ZNF536: variants seen among roughly 807,000 people sequenced by gnomAD.
ZNF536 encodes zinc finger protein 536.
Under a neutral mutation model 84.5 loss-of-function variants are expected in ZNF536, and 13 were observed. The ratio of observed to expected loss-of-function variants is 0.15; its 90% CI spans 0.10 to 0.24. The LOEUF (loss-of-function observed/expected upper bound fraction) is 0.24. ZNF536 is among the 10% of genes least tolerant of loss of function. ZNF536 has a pLI of 1.00. For missense variants in ZNF536, 1,536 were observed against 1,747.5 expected, an observed-to-expected ratio of 0.88 and a Z score of 2.16; for synonymous variants, 811 against 742.5, an observed-to-expected ratio of 1.09 and a Z score of -1.50.
chr19:30,596,585 A>C (rs2047471709), intron 1 of ZNF536, among the ~76,000 whole-genome samples: 1 of 152,184 alleles, frequency 6.6e-6, no homozygotes, highest in Non-Finnish European at 1.5e-5. Flanking sequence ...GGAGCAGTAA[A>C]TTATACTTGT....
intron 2 of ZNF536, among the ~76,000 whole-genome samples, chr19:30,505,549 A>G (rs2055141166): frequency 6.6e-6 from 1 of 151,234 alleles, no homozygotes; most frequent in East Asian, 1.9e-4. Context: ...ATATTCACTG[A>G]GACTCAGTTT....
At chr19:30,664,202 TTTTC>T (rs1407577493) in intron 1 of ZNF536, among the ~76,000 whole-genome samples, 7 of 118,410 alleles carry the variant, frequency 5.9e-5, no homozygotes, top group Non-Finnish European at 9.6e-5. Context: ...TCTTGCTGAG[TTTTC>T]TCTCTCTCTC....
intron 2 of ZNF536, among the ~76,000 whole-genome samples, chr19:30,298,260 A>G (rs1456781156): frequency 1.3e-5 from 2 of 152,140 alleles, no homozygotes; most frequent in Admixed American, 1.3e-4. Flanking sequence ...CCAGGTGCCC[A>G]TTAGAAATTC....
At chr19:30,237,662 G>A (rs967818486) in intron 1 of ZNF536, among the ~76,000 whole-genome samples, 5 of 152,136 alleles carry the variant, frequency 3.3e-5, no homozygotes, top group African/African-American at 1.2e-4. Context: ...TGATCCTGAA[G>A]GAGGAGAGTC....
At chr19:30,450,712 A>G (rs1468682331) in intron 2 of ZNF536, among the ~76,000 whole-genome samples, 1 of 152,258 alleles carries the variant, frequency 6.6e-6, no homozygotes, top group African/African-American at 2.4e-5. Flanking sequence ...GATGACAAAT[A>G]GGCAACATTA....
At chr19:30,338,341 GTAA>G (rs2047451522) in intron 2 of ZNF536, among the ~76,000 whole-genome samples, 1 of 151,216 alleles carries the variant, frequency 6.6e-6, no homozygotes, top group Non-Finnish European at 1.5e-5. Context: ...AATGTTGATA[GTAA>G]TGATGGTGGT....
At chr19:30,490,373 C>A (rs930109205) in intron 2 of ZNF536, among the ~76,000 whole-genome samples, 3 of 152,080 alleles carry the variant, frequency 2.0e-5, no homozygotes, top group South Asian at 2.1e-4. Context: ...AATATATAGA[C>A]CCTTTCATCT....
intron 1 of ZNF536, among the ~76,000 whole-genome samples, chr19:30,688,120 G>A (rs1455933529): frequency 1.3e-5 from 2 of 152,012 alleles, no homozygotes; most frequent in Admixed American, 1.3e-4. Flanking sequence ...AGAGATTGGA[G>A]GGCTGAGCCC....
intron 2 of ZNF536, among the ~76,000 whole-genome samples, chr19:30,307,744 C>T (rs371485470): frequency 4.6e-5 from 7 of 152,154 alleles, no homozygotes; most frequent in African/African-American, 1.4e-4. Flanking sequence ...GTAAAACCGG[C>T]GACAATGATT....
At chr19:30,253,473 A>G (rs1266701424) in intron 1 of ZNF536, among the ~76,000 whole-genome samples, 1 of 152,212 alleles carries the variant, frequency 6.6e-6, no homozygotes, top group Non-Finnish European at 1.5e-5. Flanking sequence ...GCGTTCTGTC[A>G]TCAGGGCTGT....
At chr19:30,331,102 C>A (rs893274950) in intron 2 of ZNF536, among the ~76,000 whole-genome samples, 2 of 151,262 alleles carry the variant, frequency 1.3e-5, no homozygotes, top group African/African-American at 4.9e-5. Context: ...GGCAACATAG[C>A]AAAACCTCAT....
chr19:30,657,219 G>T (rs1420644441), intron 1 of ZNF536, among the ~76,000 whole-genome samples: 1 of 152,154 alleles, frequency 6.6e-6, no homozygotes, highest in Admixed American at 6.5e-5. Flanking sequence ...CTCTGGAGAG[G>T]GTGCTATGTG....
At chr19:30,230,994 G>A (rs1478698713) in intron 1 of ZNF536, among the ~76,000 whole-genome samples, 1 of 151,264 alleles carries the variant, frequency 6.6e-6, no homozygotes. Flanking sequence ...TTTATAAGAA[G>A]AGTATCATAA....
chr19:30,656,052 C>T (rs908930817), intron 1 of ZNF536, among the ~76,000 whole-genome samples: 1 of 151,024 alleles, frequency 6.6e-6, no homozygotes, highest in Non-Finnish European at 1.5e-5. Context: ...AAAAAAAAAA[C>T]CAACAAACCC....
chr19:30,236,532 G>T (rs565238795), intron 1 of ZNF536, among the ~76,000 whole-genome samples: 7 of 149,290 alleles, frequency 4.7e-5, no homozygotes, highest in African/African-American at 7.4e-5. Context: ...GTTGGGGCGG[G>T]GGGGGGGTAC....
chr19:30,494,333 C>A (rs778859880), intron 2 of ZNF536, among the ~76,000 whole-genome samples: 1 of 152,196 alleles, frequency 6.6e-6, no homozygotes, highest in Non-Finnish European at 1.5e-5. Flanking sequence ...ACAGCTATTG[C>A]CAGAAGCACT....
At chr19:30,246,617 G>C (rs190162863) in intron 1 of ZNF536, among the ~76,000 whole-genome samples, 1 of 152,126 alleles carries the variant, frequency 6.6e-6, no homozygotes. Context: ...GAGGGTGGGC[G>C]GTTTGGGATG....
intron 1 of ZNF536, among the ~76,000 whole-genome samples, chr19:30,633,736 T>A (rs916060658): frequency 1.3e-5 from 2 of 152,178 alleles, no homozygotes; most frequent in Admixed American, 6.5e-5. Context: ...TTAAATTTTT[T>A]AAATTTTTTA....
intron 2 of ZNF536, among the ~76,000 whole-genome samples, chr19:30,500,543 G>A (rs2054907544): frequency 6.6e-6 from 1 of 152,094 alleles, no homozygotes; most frequent in Admixed American, 6.5e-5. Flanking sequence ...TCAGCAGCAT[G>A]CTGTGGGATG....
Sources: gnomAD v4.1 joint callset for allele counts (sites outside exome capture counted in the v4.1 genomes callset) on GRCh38, gnomAD v4.1.1 for gene constraint, MANE v1.5 for transcripts, NCBI Gene and HGNC (gene_info 2026-07-23, HGNC 2026-07-21) for gene names.